The following ADGRL1 variants were observed in gnomAD, a reference collection of about 807,000 sequenced individuals.
ADGRL1 encodes CIRL-1.
A neutral mutation model predicts 148.9 loss-of-function variants in ADGRL1; 31 were observed. The ratio of observed to expected loss-of-function variants is 0.21; its 90% CI spans 0.16 to 0.28. ADGRL1 has a LOEUF of 0.28. ADGRL1 is among the 10% of genes least tolerant of loss of function. The pLI is 1.00. For missense variants in ADGRL1, 1,521 were observed against 2,058.8 expected (o/e 0.74, Z 5.05); for synonymous variants, 937 against 900.3 (o/e 1.04, Z -0.73).
chr19:14,173,983 G>T (rs948259078), intron 3 of ADGRL1, among the ~76,000 whole-genome samples: 1 of 150,036 alleles, frequency 6.7e-6, no homozygotes, highest in Admixed American at 6.7e-5. Flanking sequence ...CTCCAGGCTT[G>T]GTTGTGGAGC....
chr19:14,170,547 A>T, intron 4 of ADGRL1, 135 bp downstream of exon 4: 1 of 601,972 alleles, frequency 1.7e-6, no homozygotes, highest in South Asian at 1.9e-5. Flanking sequence ...TGTGTGTTGG[A>T]GAGAGCAGGC....
At position 14,177,749 on chromosome 19, in the gene ADGRL1, A is replaced by G; in HGVS notation, c.71-5T>C. 6.2e-7 allele frequency: 1 copy of G among 1,608,346 alleles called. No individual in the cohort carries two copies. The highest frequency in any genetic ancestry group is 8.5e-7 in the Non-Finnish European group (1 of 1,178,808). On this transcript the variant is annotated splice_region_variant and splice_polypyrimidine_tract_variant and intron_variant, in intron 2 of 22. Coordinates refer to ENST00000361434, the MANE Select transcript of ADGRL1 (RefSeq NM_014921.5). The stretch of plus-strand genomic sequence containing the variant: ...GGAGCCCGGCCCGGCTCAGGCCTGC[A>G]GGGAGGGTTGGGGATGGTGTCACTC...
In ADGRL1 at chr19:14,152,716, G is replaced by A; in HGVS notation, c.3423+68C>T. The A allele has an allele frequency of 6.2e-7, 1 of 1,600,940 alleles. No homozygotes were observed. The highest frequency in any genetic ancestry group is 8.5e-7 in the Non-Finnish European group (1 of 1,169,966). ...CATCACGATCAGAAACCTAGGCCAA[G>A]CCACTCCCCACCTCTCAGGCTCCAG... On this transcript the variant is annotated intron_variant, in intron 19 of 22. Transcript: ENST00000361434. This position sits in a 1 kb window ranked among gnomAD's most constrained non-coding sequence, Gnocchi z 6.1.
At chr19:14,182,118 C>T (rs1245833782) in intron 2 of ADGRL1, among the ~76,000 whole-genome samples, 2 of 152,190 alleles carry the variant, frequency 1.3e-5, no homozygotes, top group African/African-American at 2.4e-5. Context: ...AGTCACTGAC[C>T]GCCTCTGTGC....
At chr19:14,179,761 A>C (rs959542118) in intron 2 of ADGRL1, among the ~76,000 whole-genome samples, 2 of 151,508 alleles carry the variant, frequency 1.3e-5, no homozygotes, top group Non-Finnish European at 1.5e-5. Context: ...AACTACAAAA[A>C]TTAGCCGGGT....
rs1339898022 is a variant in ADGRL1, at chr19:14,161,385, C to T, written c.1437G>A (p.Glu479=). ...VSPELFCEPR[E]VRRVQWPATQ... ...TGGCCGGCCACTGGACCCGCCGTACCTCTCGGGGCTCGCAGAAGAGCTCAG... is the reference window on the plus strand; with the variant it reads ...TGGCCGGCCACTGGACCCGCCGTACTTCTCGGGGCTCGCAGAAGAGCTCAG... The change falls in exon 6 of 23, where the codon GAG becomes GAA. Residue 479 remains glutamate, a synonymous_variant. Transcript: ENST00000361434. The surrounding 1 kb of genome is among the most constrained non-coding windows in gnomAD (Gnocchi z 4.4). 1 of 1,590,478 alleles carries T rather than the reference C, an allele frequency of 6.3e-7. No individual in the cohort carries two copies. Among genetic ancestry groups the T allele is most frequent in the East Asian group, 2.3e-5 (1 of 43,944 alleles).
At chr19:14,187,717 A>G (rs1222587810) in intron 1 of ADGRL1, among the ~76,000 whole-genome samples, 3 of 151,896 alleles carry the variant, frequency 2.0e-5, no homozygotes. Flanking sequence ...GTGACTAGAC[A>G]TGGCCGGTGT....
Position 14,177,725 on chromosome 19 carries a change from G to A in ADGRL1, c.90C>T (p.Leu30=), listed in dbSNP as rs373484871. The change falls in exon 3 of 23, where the codon CTC becomes CTT. Residue 30 remains leucine, a synonymous_variant. Coordinates refer to ENST00000361434, the MANE Select transcript of ADGRL1 (RefSeq NM_014921.5). Reference sequence around the variant, plus strand: ...GCTCCCGGCGCATCAGCCCGAACGGGAGCCCGGCCCGGCTCAGGCCTGCAG... The same window carrying A: ...GCTCCCGGCGCATCAGCCCGAACGGAAGCCCGGCCCGGCTCAGGCCTGCAG... ...SATQGLSRAG[L]PFGLMRRELA... 1.7e-5 allele frequency: 27 copies of A among 1,612,402 alleles called. 1 individual carries two copies. Among genetic ancestry groups the A allele is most frequent in the South Asian group, 4.4e-5 (4 of 91,044 alleles).
rs1356013118 is a variant in ADGRL1, at chr19:14,158,150, C to T, written c.2365-98G>A. 29 of 1,361,740 alleles carry T rather than the reference C, an allele frequency of 2.1e-5. 2 individuals carry two copies. The South Asian group carries it at 3.5e-4, about 16-fold the overall frequency. 84.4% of individuals were successfully genotyped at this position (1,361,740 alleles called of 1,614,324 possible). On this transcript the variant is annotated intron_variant, in intron 12 of 22. Transcript: ENST00000361434. ...TGGCAACAGGGATGGTACCAAGTAT[C>T]AAAGAAGTGCCTGGGGTCTGGGGCT... is the stretch of plus-strand genomic sequence containing the variant.
chr19:14,156,001 G>T lies in ADGRL1; in HGVS notation c.3125+109C>A, dbSNP rs537744230. 25 of 787,196 alleles carry T rather than the reference G, an allele frequency of 3.2e-5. 1 individual carries two copies. In the South Asian group the frequency reaches 3.7e-4, roughly 12 times the overall value. The allele number at this position is 787,196 out of a possible 1,614,324, so 48.8% of individuals were successfully genotyped here. A position where few individuals can be genotyped will look rare whatever the true frequency, so the allele number is the denominator to read the frequency against. On this transcript the variant is annotated intron_variant, in intron 17 of 22. Coordinates refer to ENST00000361434, the MANE Select transcript of ADGRL1 (RefSeq NM_014921.5). ...CTGTTGGTACTTAAAATTGCAATGTGTGTCACCAGAGGTGACAGCACTACC... is the reference window on the plus strand; with the variant it reads ...CTGTTGGTACTTAAAATTGCAATGTTTGTCACCAGAGGTGACAGCACTACC...
chr19:14,153,411 A>ATTTTT lies in ADGRL1; in HGVS notation c.3295-504_3295-500dup, dbSNP rs36035971. ...AGTGCTGACTTGGGAGCAGGTTGTG[A>ATTTTT]TTTTTTTTTTTTTTTTTTTTTTGAG... is the stretch of plus-strand genomic sequence containing the variant. On this transcript the variant is annotated intron_variant, in intron 18 of 22. Coordinates refer to ENST00000361434, the MANE Select transcript of ADGRL1 (RefSeq NM_014921.5). Among the ~76,000 whole-genome samples, 42 of 112,296 alleles carry ATTTTT rather than the reference A, an allele frequency of 3.7e-4. 2 individuals carry two copies. The highest frequency in any genetic ancestry group is 1.5e-3 in the African/African-American group (41 of 27,108). 73.7% of individuals were successfully genotyped at this position (112,296 alleles called of 152,430 possible).
intron 4 of ADGRL1, chr19:14,168,931 C>A (rs1469717872): frequency 6.6e-6 from 1 of 152,270 alleles, no homozygotes. Flanking sequence ...CTGAGGCACA[C>A]TGAAGTGAGG....
chr19:14,173,532 G>A (rs1030123186), intron 3 of ADGRL1, among the ~76,000 whole-genome samples: 4 of 152,124 alleles, frequency 2.6e-5, no homozygotes, highest in Admixed American at 2.0e-4. Context: ...GGGTAAGTGG[G>A]GATTACTGTA....
At position 14,160,738 on chromosome 19, in the gene ADGRL1, GGAA is replaced by G. The variant is rs781675091; in HGVS notation, c.1511-45_1511-43del. 2.5e-6 allele frequency: 3 copies of G among 1,193,482 alleles called. No individual in the cohort carries two copies. Among genetic ancestry groups the G allele is most frequent in the Non-Finnish European group, 3.7e-6 (3 of 802,618 alleles). 73.9% of individuals were successfully genotyped at this position (1,193,482 alleles called of 1,614,324 possible). On this transcript the variant is annotated intron_variant, in intron 6 of 22. Coordinates refer to ENST00000361434, the MANE Select transcript of ADGRL1 (RefSeq NM_014921.5). This position sits in a 1 kb window ranked among gnomAD's most constrained non-coding sequence, Gnocchi z 5.9. ...ACAGGAACAGACAAGGGAGCCAAAGGGAAGAAGAGAAGGATGGGACAGAGAGGG... is the reference window on the plus strand; with the variant it reads ...ACAGGAACAGACAAGGGAGCCAAAGGGAAGAGAAGGATGGGACAGAGAGGG...
rs1018234008 is a variant in ADGRL1 at position 14,183,681 on chromosome 19, C to T, written c.-79G>A. On this transcript the variant is annotated 5_prime_UTR_variant, in exon 2 of 23. It adds an upstream start codon to the 5' untranslated region. Coordinates refer to ENST00000361434, the MANE Select transcript of ADGRL1 (RefSeq NM_014921.5). ...GCCCCACATCACCTGGCAGGCACCA[C>T]GGCCTGGACCACCAGCCTGGGGGAG... 7 of 1,287,702 alleles carry T rather than the reference C, an allele frequency of 5.4e-6. 1 individual carries two copies. The highest frequency in any genetic ancestry group is 2.7e-5 in the South Asian group (2 of 73,738). 79.8% of individuals were successfully genotyped at this position (1,287,702 alleles called of 1,614,324 possible).
intron 3 of ADGRL1, among the ~76,000 whole-genome samples, chr19:14,173,928 A>T (rs2144913178): frequency 7.3e-6 from 1 of 137,034 alleles, no homozygotes; most frequent in Middle Eastern, 3.7e-3. Flanking sequence ...CCTGGGGGAG[A>T]GCAAGACTCC....
In ADGRL1 at chr19:14,170,797, G is replaced by GA; in HGVS notation, c.285-7dup. 1.4e-6 allele frequency: 2 copies of GA among 1,458,786 alleles called. No individual in the cohort carries two copies. The highest frequency in any genetic ancestry group is 1.9e-6 in the Non-Finnish European group (2 of 1,041,622). The allele number at this position is 1,458,786 out of a possible 1,614,324, so 90.4% of individuals were successfully genotyped here. ...ACTGGGTGCGGTTGTTACACCTTCA[G>GA]AGGAGAAACAGGGCATTGGGAAAGA... On this transcript the variant is annotated splice_region_variant and splice_polypyrimidine_tract_variant and intron_variant, in intron 3 of 22. Transcript: ENST00000361434.
chr19:14,173,507 G>A (rs891441286), intron 3 of ADGRL1, among the ~76,000 whole-genome samples: 1 of 152,162 alleles, frequency 6.6e-6, no homozygotes, highest in Non-Finnish European at 1.5e-5. Flanking sequence ...GGGGTTCTTG[G>A]AGCGTTTCCC....
chr19:14,181,886 C>T (rs1449041720), intron 2 of ADGRL1, among the ~76,000 whole-genome samples: 1 of 152,166 alleles, frequency 6.6e-6, no homozygotes, highest in African/African-American at 2.4e-5. Context: ...ACCCTGCACA[C>T]GGAGGGTGCC....
Sources: gnomAD v4.1 joint callset for allele counts (sites outside exome capture counted in the v4.1 genomes callset) on GRCh38, gnomAD v4.1.1 for gene constraint, Gnocchi (gnomAD v3.1) non-coding constraint, MANE v1.5 for transcripts, NCBI Gene and HGNC (gene_info 2026-07-23, HGNC 2026-07-21) for gene names.